CHIC1: variants seen among roughly 807,000 people sequenced by gnomAD.
The protein encoded by CHIC1 is cysteine rich hydrophobic domain 1.
In CHIC1, 7 loss-of-function variants were observed where a neutral mutation model predicts 18.5. The observed-to-expected ratio is 0.38, with a 90% CI of 0.22 to 0.71. The LOEUF is 0.71. Ranked by LOEUF, CHIC1 falls within the 30% of genes least tolerant of loss-of-function variation. CHIC1 has a pLI of 0.49. For missense variants in CHIC1, 159 were observed against 176.9 expected, an observed-to-expected ratio of 0.90 and a Z score of 0.57; for synonymous variants, 77 against 73.5, an observed-to-expected ratio of 1.05 and a Z score of -0.25.
At chrX:73,564,817 GACAGAGTCTCACTCTTTT>G (rs1238138943) in intron 1 of CHIC1, among the ~76,000 whole-genome samples, 1 of 52,925 alleles carries the variant, frequency 1.9e-5, no homozygotes, top group Non-Finnish European at 3.2e-5. Context: ...TTTTTTTTGA[GACAGAGTCTCACTCTTTT>G]GCCCAGGCTG....
At chrX:73,613,076 G>A (rs745866990) in intron 3 of CHIC1, among the ~76,000 whole-genome samples, 13 of 111,784 alleles carry the variant, frequency 1.2e-4, no homozygotes, top group Non-Finnish European at 2.4e-4. Context: ...TGAACTTTCT[G>A]TCTCATTTTA....
intron 3 of CHIC1, among the ~76,000 whole-genome samples, chrX:73,597,792 C>G (rs956476260): frequency 2.7e-5 from 3 of 109,313 alleles, no homozygotes; most frequent in Non-Finnish European, 5.7e-5. Flanking sequence ...CCTGACAGAC[C>G]CTGGTGTGTG....
At chrX:73,644,268 G>A (rs771230708) in intron 3 of CHIC1, among the ~76,000 whole-genome samples, 130 of 112,018 alleles carry the variant, frequency 1.2e-3, no homozygotes, top group African/African-American at 4.0e-3. Context: ...GGAGTACCCG[G>A]CCATGTGAGG....
At chrX:73,653,055 G>A (rs952815479) in intron 3 of CHIC1, among the ~76,000 whole-genome samples, 1 of 111,652 alleles carries the variant, frequency 9.0e-6, no homozygotes, top group African/African-American at 3.2e-5. Context: ...GCCATAAAAA[G>A]AGATTATTTC....
intron 3 of CHIC1, among the ~76,000 whole-genome samples, chrX:73,629,131 T>C (rs1235699297): frequency 8.9e-6 from 1 of 111,943 alleles, no homozygotes; most frequent in African/African-American, 3.2e-5. Flanking sequence ...TTTTTTCTTT[T>C]GCTCATTTTT....
At chrX:73,619,567 T>A (rs934362959) in intron 3 of CHIC1, among the ~76,000 whole-genome samples, 16 of 111,419 alleles carry the variant, frequency 1.4e-4, no homozygotes, top group Non-Finnish European at 2.8e-4. Context: ...TGTTTAATTT[T>A]TGATTTGAGG....
At chrX:73,622,459 G>A (rs2057764736) in intron 3 of CHIC1, among the ~76,000 whole-genome samples, 1 of 111,475 alleles carries the variant, frequency 9.0e-6, no homozygotes, top group Non-Finnish European at 1.9e-5. Context: ...CCATTTCTTT[G>A]ATATTTTCTA....
chrX:73,585,301 C>G (rs1237221096), intron 3 of CHIC1, among the ~76,000 whole-genome samples: 1 of 111,076 alleles, frequency 9.0e-6, no homozygotes, highest in Non-Finnish European at 1.9e-5. Flanking sequence ...CAAAAATATT[C>G]CCAAGAAGTA....
chrX:73,575,350 G>A (rs763184269), intron 1 of CHIC1, among the ~76,000 whole-genome samples: 41 of 110,027 alleles, frequency 3.7e-4, no homozygotes, highest in African/African-American at 1.3e-3. Context: ...AAGCGTAAAA[G>A]TAATGTAGAG....
intron 5 of CHIC1, among the ~76,000 whole-genome samples, chrX:73,680,115 G>A (rs1183553692): frequency 1.9e-5 from 1 of 51,578 alleles, no homozygotes. Context: ...TTTTTTTTTT[G>A]GCTGACATTT....
rs2057688970 is a variant in CHIC1 at position 73,607,572 on chromosome X, T to C, written c.507+23000T>C. ...GCAACTAGCTCAATGTCTGTCCAAA[T>C]GGCCACCTAGTTTTTGGCTTGAAAC... On this transcript the variant is annotated intron_variant, in intron 3 of 5. Coordinates refer to ENST00000373502, the MANE Select transcript of CHIC1 (RefSeq NM_001039840.4). Among the ~76,000 whole-genome samples the C allele has an allele frequency of 2.8e-5, 3 of 108,584 alleles. 1 individual carries two copies. Among genetic ancestry groups the C allele is most frequent in the Admixed American group, 1.9e-4 (2 of 10,366 alleles). 94.3% of individuals were successfully genotyped at this position (108,584 alleles called of 115,157 possible).
chrX:73,632,748 T>C (rs1401661410), intron 3 of CHIC1, among the ~76,000 whole-genome samples: 1 of 108,130 alleles, frequency 9.2e-6, no homozygotes, highest in Non-Finnish European at 1.9e-5. Context: ...TAACCACCAT[T>C]ACAGTATTGT....
intron 3 of CHIC1, among the ~76,000 whole-genome samples, chrX:73,676,426 C>T (rs753701442): frequency 6.3e-5 from 7 of 111,451 alleles, no homozygotes; most frequent in South Asian, 3.8e-4. Context: ...AGGCTTTCTT[C>T]GTTTCTTTTT....
At chrX:73,672,333 G>C (rs2058035837) in intron 3 of CHIC1, among the ~76,000 whole-genome samples, 1 of 111,452 alleles carries the variant, frequency 9.0e-6, no homozygotes, top group Admixed American at 9.5e-5. Flanking sequence ...AGATCCCTGA[G>C]GAATCGCCAC....
chrX:73,568,606 A>T (rs932354675), intron 1 of CHIC1, among the ~76,000 whole-genome samples: 5 of 111,225 alleles, frequency 4.5e-5, no homozygotes, highest in African/African-American at 1.6e-4. Flanking sequence ...TACAGAAAAA[A>T]ATATTACATC....
chrX:73,616,656 A>G (rs1333524050), intron 3 of CHIC1, among the ~76,000 whole-genome samples: 2 of 111,474 alleles, frequency 1.8e-5, no homozygotes, highest in African/African-American at 6.5e-5. Flanking sequence ...TTGTGCACGC[A>G]CAGGATCAAC....
chrX:73,612,295 G>A (rs894155196), intron 3 of CHIC1, among the ~76,000 whole-genome samples: 2 of 111,431 alleles, frequency 1.8e-5, no homozygotes, highest in East Asian at 2.8e-4. Flanking sequence ...TTGTTGAATC[G>A]CTGTTACATT....
At chrX:73,636,899 A>G (rs1440441098) in intron 3 of CHIC1, among the ~76,000 whole-genome samples, 2 of 111,422 alleles carry the variant, frequency 1.8e-5, no homozygotes, top group Non-Finnish European at 3.8e-5. Context: ...TTATGTGTTT[A>G]TCATTTGTTT....
chrX:73,631,408 C>T (rs1046178712), intron 3 of CHIC1, among the ~76,000 whole-genome samples: 1 of 110,197 alleles, frequency 9.1e-6, no homozygotes, highest in African/African-American at 3.3e-5. Flanking sequence ...GGGCAGATCA[C>T]CTGAGGTTGG....
Sources: gnomAD v4.1 joint callset for allele counts (sites outside exome capture counted in the v4.1 genomes callset) on GRCh38, gnomAD v4.1.1 for gene constraint, MANE v1.5 for transcripts, NCBI Gene and HGNC (gene_info 2026-07-23, HGNC 2026-07-21) for gene names.